Variants in USP47 observed in about 807,000 individuals in gnomAD.
USP47 encodes ubiquitin carboxyl-terminal hydrolase 47.
In USP47, 35 loss-of-function variants were observed where a neutral mutation model predicts 165.1. That is an observed-to-expected ratio of 0.21 (90% confidence interval 0.16 to 0.28). USP47 has a LOEUF of 0.28. USP47 is among the 10% of genes least tolerant of loss of function. The pLI is 1.00. For synonymous variants in USP47, 531 were observed against 544.5 expected (o/e 0.98, Z 0.35); for missense variants, 1,277 against 1,607.4 (o/e 0.79, Z 3.52).
At chr11:11,951,243 C>T (rs1021353626) in intron 24 of USP47, 1 of 152,152 alleles carries the variant, frequency 6.6e-6, no homozygotes, top group African/African-American at 2.4e-5. Context: ...TTTCATAAAC[C>T]ACTAGTCCTA....
intron 1 of USP47, among the ~76,000 whole-genome samples, chr11:11,874,866 C>T (rs1263210693): frequency 6.6e-6 from 1 of 151,994 alleles, no homozygotes; most frequent in Non-Finnish European, 1.5e-5. Context: ...GCAGCTGATA[C>T]GTTTTATAAA....
chr11:11,874,025 T>C (rs1850236036), intron 1 of USP47, among the ~76,000 whole-genome samples: 1 of 152,170 alleles, frequency 6.6e-6, no homozygotes, highest in African/African-American at 2.4e-5. Context: ...TGAATTTGTA[T>C]CTGATAGTAC....
At chr11:11,896,219 CTTCTT>C (rs1434046664) in intron 4 of USP47, among the ~76,000 whole-genome samples, 4 of 152,302 alleles carry the variant, frequency 2.6e-5, no homozygotes, top group African/African-American at 7.2e-5. Context: ...CCATTACTCT[CTTCTT>C]CTCTTCTCAA....
chr11:11,922,971 C>A, intron 11 of USP47, 80 bp downstream of exon 11: 1 of 1,298,932 alleles, frequency 7.7e-7, no homozygotes, highest in Non-Finnish European at 1.0e-6. Flanking sequence ...GCTGTTGTGA[C>A]TGATAAAGTT....
At chr11:11,898,636 CTT>C (rs1851997754) in intron 5 of USP47, among the ~76,000 whole-genome samples, 1 of 152,106 alleles carries the variant, frequency 6.6e-6, no homozygotes. Flanking sequence ...ATTTATAAGT[CTT>C]TCTACAATAG....
rs370252260 is a variant in USP47 at position 11,886,060 on chromosome 11, C to A, written c.357+1480C>A. On this transcript the variant is annotated intron_variant, in intron 3 of 27. Transcript: ENST00000527733. ...AAGCAGAAAATAATAACAATAATAT[C>A]AACAGAAAAGACCCCACACAATCCC... Among the ~76,000 whole-genome samples, 4 of 152,226 alleles carry A rather than the reference C, an allele frequency of 2.6e-5. No homozygotes were observed. In the East Asian group the frequency reaches 7.7e-4, roughly 29 times the overall value.
chr11:11,868,459 A>G (rs1460592301), intron 1 of USP47, among the ~76,000 whole-genome samples: 1 of 152,206 alleles, frequency 6.6e-6, no homozygotes, highest in Non-Finnish European at 1.5e-5. Flanking sequence ...AGGTTGTTAC[A>G]TGTATCAATA....
At chr11:11,954,979 G>T (rs974317194) in intron 26 of USP47, 35 bp downstream of exon 26, 2 of 1,613,590 alleles carry the variant, frequency 1.2e-6, no homozygotes, top group Middle Eastern at 1.7e-4. Context: ...TGTGTATTGT[G>T]CATGATAAAC....
rs907156071 is a variant in USP47, at chr11:11,954,776, A to G, written c.3715-121A>G. On this transcript the variant is annotated intron_variant, in intron 25 of 27. Transcript: ENST00000527733. ...GGTGGCCGCTTTCTGCTTTTTCTTA[A>G]TTTTTTTACATGAAACATTTTTTAA... The G allele has an allele frequency of 5.9e-6, 7 of 1,185,916 alleles. No individual in the cohort carries two copies. In the African/African-American group the frequency reaches 1.1e-4, roughly 18 times the overall value. 73.5% of individuals were successfully genotyped at this position (1,185,916 alleles called of 1,614,324 possible).
chr11:11,845,295 T>C (rs1257473877), intron 1 of USP47, among the ~76,000 whole-genome samples: 1 of 152,158 alleles, frequency 6.6e-6, no homozygotes, highest in Non-Finnish European at 1.5e-5. Context: ...CAGGTTTCTC[T>C]CTAACTTGCA....
intron 3 of USP47, among the ~76,000 whole-genome samples, chr11:11,888,086 C>T (rs1851278610): frequency 6.6e-6 from 1 of 152,074 alleles, no homozygotes; most frequent in South Asian, 2.1e-4. Context: ...AAATTTATAG[C>T]ACCAAATGCC....
At chr11:11,944,755 A>G (rs745334838) in intron 20 of USP47, among the ~76,000 whole-genome samples, 11 of 152,204 alleles carry the variant, frequency 7.2e-5, no homozygotes, top group Non-Finnish European at 1.6e-4. Flanking sequence ...AATAGTAGTA[A>G]CTGCTCTGCT....
intron 8 of USP47, among the ~76,000 whole-genome samples, chr11:11,906,477 GGAT>G (rs1413439143): frequency 7.9e-5 from 12 of 152,202 alleles, no homozygotes; most frequent in Admixed American, 4.6e-4. Flanking sequence ...CTGGCCTCTA[GGAT>G]GATTGATTCC....
At chr11:11,846,817 C>T (rs964974101) in intron 1 of USP47, among the ~76,000 whole-genome samples, 1 of 151,950 alleles carries the variant, frequency 6.6e-6, no homozygotes, top group Non-Finnish European at 1.5e-5. Context: ...TTTATTTCTC[C>T]TAATTAAATT....
At position 11,854,599 on chromosome 11, in the gene USP47, CATT is replaced by C. The variant is rs374041924; in HGVS notation, c.39+12376_39+12378del. 3.7e-4 allele frequency among the ~76,000 whole-genome samples: 54 copies of C among 147,286 alleles called. 10 individuals carry two copies. The East Asian group carries it at 7.9e-3, about 22-fold the overall frequency. The stretch of plus-strand genomic sequence containing the variant: ...CCAGGGGCCATCACAATGTGCTGTA[CATT>C]GTTGTTATTCAACAAATATTTGTGG... On this transcript the variant is annotated intron_variant, in intron 1 of 27. Coordinates refer to ENST00000527733, the MANE Select transcript of USP47 (RefSeq NM_001282659.2).
chr11:11,892,257 G>C lies in USP47; in HGVS notation c.496+151G>C. ...GCAGCCGCAAAGTTAGAAGAAGTAT[G>C]TGGTTTACTTTTCCTTCAACCCACT... is the stretch of plus-strand genomic sequence containing the variant. On this transcript the variant is annotated intron_variant, in intron 4 of 27. Transcript: ENST00000527733. 5.3e-6 allele frequency: 4 copies of C among 761,120 alleles called. No homozygotes were observed. In the Admixed American group the frequency reaches 1.3e-4, roughly 25 times the overall value. The allele number at this position is 761,120 out of a possible 1,614,324, so 47.1% of individuals were successfully genotyped here. A position where few individuals can be genotyped will look rare whatever the true frequency, so the allele number is the denominator to read the frequency against.
intron 1 of USP47, among the ~76,000 whole-genome samples, chr11:11,850,200 A>G (rs976045938): frequency 6.7e-6 from 1 of 149,568 alleles, no homozygotes; most frequent in African/African-American, 2.5e-5. Flanking sequence ...CCTCTCCTTC[A>G]TTTTATCTCT....
intron 1 of USP47, among the ~76,000 whole-genome samples, chr11:11,863,961 G>A (rs1849522986): frequency 6.6e-6 from 1 of 152,084 alleles, no homozygotes; most frequent in Admixed American, 6.5e-5. Flanking sequence ...TTTTTCTGGA[G>A]AATGATACTT....
At chr11:11,908,813 G>A (rs1852759607) in intron 8 of USP47, among the ~76,000 whole-genome samples, 1 of 152,044 alleles carries the variant, frequency 6.6e-6, no homozygotes, top group Non-Finnish European at 1.5e-5. Flanking sequence ...AATATTGAAA[G>A]GCTCTTCTGC....
Sources: allele counts gnomAD v4.1 joint callset (sites outside exome capture counted in the v4.1 genomes callset), GRCh38; gene constraint gnomAD v4.1.1; transcripts MANE v1.5; gene names NCBI Gene and HGNC (gene_info 2026-07-23, HGNC 2026-07-21).